The following ASRGL1 variants were observed in gnomAD, a reference collection of about 807,000 sequenced individuals.
ASRGL1 encodes the protein isoaspartyl peptidase/L-asparaginase.
A neutral mutation model predicts 22.4 loss-of-function variants in ASRGL1; 16 were observed. That is an observed-to-expected ratio of 0.71 (90% confidence interval 0.48 to 1.08). The LOEUF is 1.08. Ranked by LOEUF, ASRGL1 falls within the 50% of genes least tolerant of loss-of-function variation. The pLI, the probability that ASRGL1 is intolerant of heterozygous loss-of-function variation, is 0.00. For synonymous variants in ASRGL1, 165 were observed against 159.3 expected (o/e 1.04, Z -0.27); for missense variants, 412 against 410.1 (o/e 1.00, Z -0.04).
At chr11:62,362,543 A>ATAT (rs1946468857) in intron 4 of ASRGL1, among the ~76,000 whole-genome samples, 1 of 40,794 alleles carries the variant, frequency 2.5e-5, no homozygotes, top group Non-Finnish European at 4.4e-5. Context: ...TATTATATAA[A>ATAT]ATATATAACA....
intron 4 of ASRGL1, among the ~76,000 whole-genome samples, chr11:62,369,506 G>T (rs1047115058): frequency 6.6e-6 from 1 of 152,008 alleles, no homozygotes; most frequent in Admixed American, 6.6e-5. Context: ...GTTCTTGACG[G>T]TCGCTGTCTC....
chr11:62,368,851 C>T (rs981111970), intron 4 of ASRGL1, among the ~76,000 whole-genome samples: 3 of 152,272 alleles, frequency 2.0e-5, no homozygotes. Context: ...AGTATTGCCA[C>T]TAGCACATCT....
At chr11:62,346,433 A>G (rs1358101267) in intron 2 of ASRGL1, among the ~76,000 whole-genome samples, 1 of 152,106 alleles carries the variant, frequency 6.6e-6, no homozygotes, top group East Asian at 1.9e-4. Flanking sequence ...CAGCCCTTAC[A>G]GGTTTTTATG....
At chr11:62,362,656 A>ATATATAATATATATTT (rs1565162395) in intron 4 of ASRGL1, among the ~76,000 whole-genome samples, 1 of 95,036 alleles carries the variant, frequency 1.1e-5, no homozygotes, top group African/African-American at 4.4e-5. Context: ...AATATATATT[A>ATATATAATATATATTT]TATAAAATAT....
intron 6 of ASRGL1, 147 bp downstream of exon 6, chr11:62,391,779 C>A: frequency 1.9e-6 from 2 of 1,042,344 alleles, no homozygotes; most frequent in Non-Finnish European, 2.7e-6. Flanking sequence ...TGTTTTGACT[C>A]TCCGCCTTCC....
chr11:62,348,867 T>C (rs907711948), intron 2 of ASRGL1, among the ~76,000 whole-genome samples: 5 of 152,146 alleles, frequency 3.3e-5, no homozygotes, highest in African/African-American at 1.2e-4. Flanking sequence ...CAATCTGCAG[T>C]AGTGGTGGTA....
chr11:62,363,013 G>C (rs919830099), intron 4 of ASRGL1, among the ~76,000 whole-genome samples: 2 of 127,782 alleles, frequency 1.6e-5, no homozygotes, highest in African/African-American at 2.9e-5. Context: ...CCGCCTCCAG[G>C]GTTCACGCCA....
intron 4 of ASRGL1, chr11:62,371,281 A>T: frequency 7.3e-7 from 1 of 1,374,862 alleles, no homozygotes; most frequent in Non-Finnish European, 9.6e-7. Context: ...TGGTGGCAGC[A>T]GCAGCAGCGG....
intron 4 of ASRGL1, chr11:62,372,320 C>T: frequency 1.9e-6 from 3 of 1,601,348 alleles, no homozygotes; most frequent in Non-Finnish European, 2.6e-6. Context: ...TGGGCCTTGG[C>T]AACTAGACAG....
chr11:62,354,048 CACTT>C (rs536945820), intron 2 of ASRGL1, among the ~76,000 whole-genome samples: 5 of 152,180 alleles, frequency 3.3e-5, no homozygotes, highest in African/African-American at 4.8e-5. Context: ...GGGCAGCAAA[CACTT>C]ACTGTTTGCC....
intron 4 of ASRGL1, among the ~76,000 whole-genome samples, chr11:62,379,343 C>T (rs966917102): frequency 1.3e-5 from 2 of 152,296 alleles, no homozygotes; most frequent in Admixed American, 6.5e-5. Context: ...CACAGGTCTG[C>T]TCTCTGAGAA....
chr11:62,342,109 T>C (rs1945878677), intron 2 of ASRGL1, among the ~76,000 whole-genome samples: 1 of 152,230 alleles, frequency 6.6e-6, no homozygotes. Flanking sequence ...CGGTTTCTAT[T>C]GGCTGAAACG....
downstream of ASRGL1, among the ~76,000 whole-genome samples, chr11:62,395,781 T>A (rs1426414651): frequency 5.1e-5 from 6 of 117,726 alleles, no homozygotes; most frequent in African/African-American, 2.1e-4. Context: ...TTTTTTTTTT[T>A]TTTTTTTTGA....
At chr11:62,341,424 C>A (rs1054764313) in intron 2 of ASRGL1, among the ~76,000 whole-genome samples, 1 of 152,020 alleles carries the variant, frequency 6.6e-6, no homozygotes, top group Non-Finnish European at 1.5e-5. Context: ...GGTCTTGGAT[C>A]TCCTGACTTC....
Position 62,361,378 on chromosome 11 carries a change from G to A in ASRGL1, c.491+4234G>A, listed in dbSNP as rs540315139. 2.6e-5 allele frequency among the ~76,000 whole-genome samples: 4 copies of A among 151,800 alleles called. No homozygotes were observed. The South Asian group carries it at 8.3e-4, about 32-fold the overall frequency. On this transcript the variant is annotated intron_variant, in intron 4 of 6. Coordinates refer to ENST00000415229, the MANE Select transcript of ASRGL1 (RefSeq NM_001083926.2). ...TAATTTTATTTTTAGTAGAGACGGG[G>A]TCTTGCCATGTTGCCCAGGCTCGTC...
At chr11:62,352,821 T>A (rs947731339) in intron 2 of ASRGL1, among the ~76,000 whole-genome samples, 1 of 152,194 alleles carries the variant, frequency 6.6e-6, no homozygotes, top group African/African-American at 2.4e-5. Context: ...CCCCTATAGG[T>A]AAGGTGTCAT....
downstream of ASRGL1, among the ~76,000 whole-genome samples, chr11:62,393,748 C>T (rs1402617357): frequency 1.3e-5 from 2 of 152,114 alleles, no homozygotes; most frequent in African/African-American, 4.8e-5. Context: ...AAGATTGCCA[C>T]AACACGATTC....
chr11:62,376,061 C>A (rs573376742), intron 4 of ASRGL1, among the ~76,000 whole-genome samples: 1 of 145,548 alleles, frequency 6.9e-6, no homozygotes, highest in African/African-American at 2.6e-5. Flanking sequence ...GAGATCGCAC[C>A]ACTGCACTCC....
chr11:62,371,724 G>T, intron 4 of ASRGL1: 3 of 566,108 alleles, frequency 5.3e-6, no homozygotes, highest in Non-Finnish European at 1.0e-5. Flanking sequence ...AGGCCGAGGC[G>T]GGCAGATCAC....
Sources: allele counts gnomAD v4.1 joint callset (sites outside exome capture counted in the v4.1 genomes callset), GRCh38; gene constraint gnomAD v4.1.1; transcripts MANE v1.5; gene names NCBI Gene and HGNC (gene_info 2026-07-23, HGNC 2026-07-21).